The following KMT5C variants were observed in gnomAD, a reference collection of about 807,000 sequenced individuals.
The protein encoded by KMT5C is histone-lysine N-methyltransferase KMT5C.
KMT5C carries 16 observed loss-of-function variants against 38.2 expected under a neutral mutation model. The observed-to-expected ratio is 0.42, with a 90% CI of 0.28 to 0.64. The LOEUF is 0.64. KMT5C is among the 30% of genes least tolerant of loss of function. KMT5C has a pLI of 0.23. For missense variants in KMT5C, 598 were observed against 665.1 expected, an observed-to-expected ratio of 0.90 and a Z score of 1.11; for synonymous variants, 291 against 279.0, an observed-to-expected ratio of 1.04 and a Z score of -0.43.
Position 55,347,214 on chromosome 19 carries a change from C to T in KMT5C, c.1154C>T (p.Ala385Val), listed in dbSNP as rs2089631848. Residue 385 changes from alanine to valine, a missense_variant, in exon 9 of 9, where the codon GCC becomes GTC. Physicochemically the swap from Ala to Val is moderately conservative, Grantham distance 64. This residue lies in a region of KMT5C where 326 missense variants were observed against 298.1 expected (regional missense o/e 1.09). Coordinates refer to ENST00000255613, the MANE Select transcript of KMT5C (RefSeq NM_032701.4). The surrounding 1 kb of genome is among the most constrained non-coding windows in gnomAD (Gnocchi z 4.6). ...ALGQPPHARWAPQQDWHWARR... is the reference protein window; with the variant it reads ...ALGQPPHARWVPQQDWHWARR... Reference sequence around the variant, plus strand: ...GGCCAGCCCCCCCACGCCCGCTGGGCCCCTCAGCAGGACTGGCACTGGGCC... The same window carrying T: ...GGCCAGCCCCCCCACGCCCGCTGGGTCCCTCAGCAGGACTGGCACTGGGCC... 4 of 1,540,770 alleles carry T rather than the reference C, an allele frequency of 2.6e-6. No homozygotes were observed. The highest frequency in any genetic ancestry group is 3.5e-6 in the Non-Finnish European group (4 of 1,147,162).
chr19:55,347,607 A>G lies in KMT5C; in HGVS notation c.*158A>G. The G allele has an allele frequency of 8.1e-7, 1 of 1,241,242 alleles. No individual in the cohort carries two copies. The highest frequency in any genetic ancestry group is 1.1e-6 in the Non-Finnish European group (1 of 941,316). The allele number at this position is 1,241,242 out of a possible 1,614,324, so 76.9% of individuals were successfully genotyped here. On this transcript the variant is annotated 3_prime_UTR_variant, in exon 9 of 9. Transcript: ENST00000255613. This position sits in a 1 kb window ranked among gnomAD's most constrained non-coding sequence, Gnocchi z 4.6. ...GGGGTTGGTTTGGACACCCCCAGGG[A>G]TCTGAGCCCTGACCCTTTGTGACTG...
intron 8 of KMT5C, 45 bp from the exon 9 acceptor site, chr19:55,346,911 A>G: frequency 1.2e-6 from 1 of 801,034 alleles, no homozygotes; most frequent in Non-Finnish European, 2.1e-6. Context: ...CACTGACTTC[A>G]CCTCTCCTTT....
At position 55,342,777 on chromosome 19, in the gene KMT5C, T is replaced by C. The variant is rs1282314742; in HGVS notation, c.312T>C (p.Ser104=). 6.2e-7 allele frequency: 1 copy of C among 1,613,302 alleles called. No individual in the cohort carries two copies. The highest frequency in any genetic ancestry group is 1.7e-5 in the Admixed American group (1 of 60,008). The change falls in exon 4 of 9, where the codon AGT becomes AGC. Residue 104 remains serine, a synonymous_variant. Transcript: ENST00000255613. The part of the protein sequence containing the change: ...YRYLRAFLPE[S]GFTILPCTRY... ...ACCTCCGTGCCTTCCTGCCGGAAAG[T>C]GGCTTTACCATCCTGCCCTGCACGC...
rs1025208650 is a variant in KMT5C, at chr19:55,347,417, A to G, written c.1357A>G (p.Ile453Val). The stretch of plus-strand genomic sequence containing the variant: ...ACGGCTGGTGGTCAGCCACGGCTCC[A>G]TCGACCTGGATGTCGGCGGTGAAGA... ...RLRLVVSHGSIDLDVGGEEL is the reference protein window; with the variant it reads ...RLRLVVSHGSVDLDVGGEEL The change falls in exon 9 of 9, where the codon ATC (isoleucine) becomes GTC (valine). Residue 453 changes from isoleucine to valine, a missense_variant. Transcript: ENST00000255613. This position sits in a 1 kb window ranked among gnomAD's most constrained non-coding sequence, Gnocchi z 4.6. The G allele has an allele frequency of 5.8e-6, 9 of 1,559,184 alleles. No homozygotes were observed. The highest frequency in any genetic ancestry group is 7.8e-6 in the Non-Finnish European group (9 of 1,159,640).
chr19:55,347,381 C>A lies in KMT5C; in HGVS notation c.1321C>A (p.Pro441Thr). The part of the protein sequence containing the change: ...QALAFAPFSP[P>T]KRLRLVVSHG... ...CCTCGCCTTCGCCCCCTTCTCCCCACCCAAGCGCCTACGGCTGGTGGTCAG... is the reference window on the plus strand; with the variant it reads ...CCTCGCCTTCGCCCCCTTCTCCCCAACCAAGCGCCTACGGCTGGTGGTCAG... Residue 441 changes from proline (P) to threonine (T), a missense_variant, in exon 9 of 9, where the codon CCC becomes ACC. By Grantham distance (38) the Pro-to-Thr change is conservative. Coordinates refer to ENST00000255613, the MANE Select transcript of KMT5C (RefSeq NM_032701.4). The surrounding 1 kb of genome is among the most constrained non-coding windows in gnomAD (Gnocchi z 4.6). 1 of 1,585,900 alleles carries A rather than the reference C, an allele frequency of 6.3e-7. No homozygotes were observed. The highest frequency in any genetic ancestry group is 1.1e-5 in the South Asian group (1 of 88,180).
chr19:55,342,426 G>A (rs757348957), intron 3 of KMT5C, 46 bp downstream of exon 3: 25 of 1,382,736 alleles, frequency 1.8e-5, no homozygotes, highest in African/African-American at 5.8e-5. Flanking sequence ...TGTCCTCCCC[G>A]CTCACCGGGC....
Position 55,342,845 on chromosome 19 carries a change from G to A in KMT5C, c.380G>A (p.Arg127His), listed in dbSNP as rs749097350. Reference protein sequence around the residue: ...ETNGAKIVSTRAWKKNEKLEL... With the variant: ...ETNGAKIVSTHAWKKNEKLEL... ...AACGGGGCCAAGATCGTGTCCACTC[G>A]TGCTTGGTAAGAGGGCAGGACTCCC... is the stretch of plus-strand genomic sequence containing the variant. The change falls in exon 4 of 9, where the codon CGT becomes CAT. Residue 127 changes from arginine to histidine, a missense_variant. By Grantham distance (29) the Arg-to-His change is conservative. Transcript: ENST00000255613. 4.4e-6 allele frequency: 7 copies of A among 1,589,498 alleles called. No individual in the cohort carries two copies. The highest frequency in any genetic ancestry group is 4.5e-5 in the East Asian group (2 of 44,742).
At chr19:55,342,873 C>T (rs1221480276) in intron 4 of KMT5C, 22 bp downstream of exon 4, 4 of 1,384,004 alleles carry the variant, frequency 2.9e-6, no homozygotes, top group Non-Finnish European at 4.1e-6. Context: ...GGACTCCCTG[C>T]AGGTATCCTT....
chr19:55,347,675 A>T lies in KMT5C; in HGVS notation c.*226A>T. Reference sequence around the variant, plus strand: ...CCCACTCCCACAGGGAGCCCCGGCCATTTGCTGCCCTCCCCACCCCTGCCC... The same window carrying T: ...CCCACTCCCACAGGGAGCCCCGGCCTTTTGCTGCCCTCCCCACCCCTGCCC... On this transcript the variant is annotated 3_prime_UTR_variant, in exon 9 of 9. Coordinates refer to ENST00000255613, the MANE Select transcript of KMT5C (RefSeq NM_032701.4). The surrounding 1 kb of genome is among the most constrained non-coding windows in gnomAD (Gnocchi z 4.6). 1 of 634,566 alleles carries T rather than the reference A, an allele frequency of 1.6e-6. No individual in the cohort carries two copies. The highest frequency in any genetic ancestry group is 2.4e-6 in the Non-Finnish European group (1 of 411,484). 39.3% of individuals were successfully genotyped at this position (634,566 alleles called of 1,614,324 possible). A position where few individuals can be genotyped will look rare whatever the true frequency, so the allele number is the denominator to read the frequency against.
At chr19:55,346,142 G>A in intron 6 of KMT5C, 71 bp from the exon 7 acceptor site, 1 of 1,589,188 alleles carries the variant, frequency 6.3e-7, no homozygotes, top group Non-Finnish European at 8.6e-7. Flanking sequence ...AGGGTGCCCG[G>A]CCAGGTGTGG....
At chr19:55,344,772 G>A (rs957096211) in intron 6 of KMT5C, 1 of 528,048 alleles carries the variant, frequency 1.9e-6, no homozygotes, top group Non-Finnish European at 3.9e-6. Flanking sequence ...GGAAGCAGAA[G>A]GAATCAGGAG....
chr19:55,344,302 C>T (rs111333379), intron 6 of KMT5C: 4,130 of 270,492 alleles, frequency 0.015, 158 homozygotes, highest in African/African-American at 0.085. Flanking sequence ...GCGGAGCTTG[C>T]GGTGAGCCGA....
intron 7 of KMT5C, 72 bp from the exon 8 acceptor site, chr19:55,346,428 C>T (rs1431931072): frequency 1.2e-6 from 2 of 1,607,668 alleles, no homozygotes; most frequent in Non-Finnish European, 1.7e-6. Context: ...GGACCCATCC[C>T]TGAGTGTGTC....
intron 8 of KMT5C, 66 bp from the exon 9 acceptor site, chr19:55,346,890 G>T (rs1284040629): frequency 5.3e-6 from 4 of 759,696 alleles, no homozygotes; most frequent in African/African-American, 1.7e-5. Flanking sequence ...GAGGAGGACC[G>T]GCCCAGCTTG....
chr19:55,347,076 G>A lies in KMT5C; in HGVS notation c.1016G>A (p.Arg339Gln), dbSNP rs765735067. 21 of 1,571,362 alleles carry A rather than the reference G, an allele frequency of 1.3e-5. No homozygotes were observed. Among genetic ancestry groups the A allele is most frequent in the Non-Finnish European group, 1.5e-5 (17 of 1,166,270 alleles). Residue 339 changes from arginine to glutamine, a missense_variant, in exon 9 of 9, where the codon CGG (arginine) becomes CAG (glutamine). This residue lies in a region of KMT5C where 326 missense variants were observed against 298.1 expected (regional missense o/e 1.09). Transcript: ENST00000255613. This position sits in a 1 kb window ranked among gnomAD's most constrained non-coding sequence, Gnocchi z 4.6. ...CGGCCCCGGAAGCGCCGACGCCCCC[G>A]GCCCCGGAGGGCCCCAGTGCTCTCC... ...RVRPRKRRRP[R>Q]PRRAPVLSTH...
Position 55,343,335 on chromosome 19 carries a change from C to T in KMT5C, c.387-345C>T, listed in dbSNP as rs747403602. 1.2e-4 allele frequency: 44 copies of T among 361,164 alleles called. No individual in the cohort carries two copies. Among genetic ancestry groups the T allele is most frequent in the Middle Eastern group, 1.7e-3 (2 of 1,168 alleles). 22.4% of individuals were successfully genotyped at this position (361,164 alleles called of 1,614,324 possible). A position where few individuals can be genotyped will look rare whatever the true frequency, so the allele number is the denominator to read the frequency against. Reference sequence around the variant, plus strand: ...GGCTCACACTGACAGGGGAAGCACCCGCCTGAGGGTCTGGTGGGGCGAGTA... The same window carrying T: ...GGCTCACACTGACAGGGGAAGCACCTGCCTGAGGGTCTGGTGGGGCGAGTA... On this transcript the variant is annotated intron_variant, in intron 4 of 8. Transcript: ENST00000255613. The surrounding 1 kb of genome is among the most constrained non-coding windows in gnomAD (Gnocchi z 5.5).
chr19:55,345,685 T>C lies in KMT5C; in HGVS notation c.571-528T>C, dbSNP rs146914921. 3.0e-3 allele frequency among the ~76,000 whole-genome samples: 462 copies of C among 152,162 alleles called. 12 individuals are homozygous for C. The East Asian group carries it at 0.051, about 17-fold the overall frequency. On this transcript the variant is annotated intron_variant, in intron 6 of 8. Coordinates refer to ENST00000255613, the MANE Select transcript of KMT5C (RefSeq NM_032701.4). Reference sequence around the variant, plus strand: ...GAACAGGGAGGAAGGCGCAGCTGTGTGGGGCTTAGGAGGAGCCTGTGGGGC... The same window carrying C: ...GAACAGGGAGGAAGGCGCAGCTGTGCGGGGCTTAGGAGGAGCCTGTGGGGC...
In KMT5C at chr19:55,343,865, G is replaced by C. The variant is rs760373579; in HGVS notation, c.550+22G>C. On this transcript the variant is annotated intron_variant, in intron 5 of 8. Transcript: ENST00000255613. The surrounding 1 kb of genome is among the most constrained non-coding windows in gnomAD (Gnocchi z 5.5). ...CATGGTGAGGGTCAGGCAGGTGGAT[G>C]GGCAGGACGGGATAGAGCCAGGCAG... is the stretch of plus-strand genomic sequence containing the variant. 6.2e-7 allele frequency: 1 copy of C among 1,612,800 alleles called. No homozygotes were observed. The highest frequency in any genetic ancestry group is 1.7e-5 in the Admixed American group (1 of 59,992).
At position 55,342,196 on chromosome 19, in the gene KMT5C, G is replaced by A; in HGVS notation, c.111-19G>A. 2.5e-6 allele frequency: 4 copies of A among 1,606,440 alleles called. No individual in the cohort carries two copies. Among genetic ancestry groups the A allele is most frequent in the Non-Finnish European group, 3.4e-6 (4 of 1,177,248 alleles). ...GGGCCCGGGAAGGCCCTGGGACCCA[G>A]GCATGCCCTCTCCCCCAGCCCTGTG... On this transcript the variant is annotated intron_variant, in intron 2 of 8. Coordinates refer to ENST00000255613, the MANE Select transcript of KMT5C (RefSeq NM_032701.4).
Sources: allele counts gnomAD v4.1 joint callset (sites outside exome capture counted in the v4.1 genomes callset), GRCh38; gene constraint gnomAD v4.1.1; regional missense constraint gnomAD v4.1.1; non-coding constraint Gnocchi (gnomAD v3.1); transcripts MANE v1.5; gene names NCBI Gene and HGNC (gene_info 2026-07-23, HGNC 2026-07-21).